NCAPG2: variants seen among roughly 807,000 people sequenced by gnomAD.
NCAPG2 encodes the protein non-SMC condensin II complex subunit G2.
NCAPG2 carries 53 observed loss-of-function variants against 141.1 expected under a neutral mutation model. The observed-to-expected ratio is 0.38, with a 90% CI of 0.30 to 0.47. NCAPG2 has a LOEUF of 0.47. NCAPG2 is among the 20% of genes least tolerant of loss of function. The probability of loss-of-function intolerance (pLI) is 0.99; values close to 1 mark genes in which losing one functional copy is unlikely to be tolerated. For missense variants in NCAPG2, 1,087 were observed against 1,389.0 expected, an observed-to-expected ratio of 0.78 and a Z score of 3.46; for synonymous variants, 499 against 490.7, an observed-to-expected ratio of 1.02 and a Z score of -0.22.
chr7:158,653,230 G>A (rs919098567), intron 22 of NCAPG2, among the ~76,000 whole-genome samples: 12 of 151,652 alleles, frequency 7.9e-5, no homozygotes, highest in African/African-American at 2.7e-4. Flanking sequence ...GCATGGTGGT[G>A]GGCACCTGTA....
At chr7:158,667,249 G>T in intron 13 of NCAPG2, 1 of 984,026 alleles carries the variant, frequency 1.0e-6, no homozygotes. Flanking sequence ...CTTCCTGGTG[G>T]GCCAGAGACC....
chr7:158,677,525 C>CCAA (rs1834141634), intron 11 of NCAPG2, among the ~76,000 whole-genome samples: 1 of 90,404 alleles, frequency 1.1e-5, no homozygotes, highest in Non-Finnish European at 2.1e-5. Context: ...AAAAATAAAG[C>CCAA]AAAAAAAAAA....
chr7:158,680,787 T>C lies in NCAPG2; in HGVS notation c.954A>G (p.Lys318=). ...GCATCTCTTCCACTCCCTGCCGAACTTTCTTTTGATGGTGAAAGTAACTCA... is the reference window on the plus strand; with the variant it reads ...GCATCTCTTCCACTCCCTGCCGAACCTTCTTTTGATGGTGAAAGTAACTCA... ...EVLSYFHHQK[K]VRQGVEEMLY... The change falls in exon 10 of 28, where the codon AAA becomes AAG. Residue 318 remains lysine, a synonymous_variant. Transcript: ENST00000356309. 2 of 1,605,628 alleles carry C rather than the reference T, an allele frequency of 1.2e-6. No homozygotes were observed. Among genetic ancestry groups the C allele is most frequent in the Non-Finnish European group, 1.7e-6 (2 of 1,176,018 alleles).
intron 27 of NCAPG2, among the ~76,000 whole-genome samples, chr7:158,636,137 C>T (rs761261603): frequency 6.6e-5 from 10 of 152,134 alleles, no homozygotes; most frequent in Non-Finnish European, 1.3e-4. Context: ...GGATGGCATG[C>T]AGGTGAATAA....
intron 27 of NCAPG2, among the ~76,000 whole-genome samples, chr7:158,643,184 G>C (rs1830762842): frequency 6.6e-6 from 1 of 150,440 alleles, no homozygotes; most frequent in Non-Finnish European, 1.5e-5. Context: ...GGCTGGTCTT[G>C]AACTCCCGAC....
intron 24 of NCAPG2, among the ~76,000 whole-genome samples, chr7:158,647,653 G>A (rs1401889288): frequency 6.6e-6 from 1 of 151,766 alleles, no homozygotes; most frequent in African/African-American, 2.4e-5. Flanking sequence ...CCCGATTCTT[G>A]GCTATCTTAG....
chr7:158,675,413 T>C (rs1833990558), intron 12 of NCAPG2, 64 bp downstream of exon 12: 3 of 1,379,994 alleles, frequency 2.2e-6, no homozygotes, highest in Non-Finnish European at 1.9e-6. Flanking sequence ...ATCTTTTTCT[T>C]TTCCTGTTTT....
At chr7:158,692,464 T>C (rs1444419384) in intron 4 of NCAPG2, among the ~76,000 whole-genome samples, 4 of 152,206 alleles carry the variant, frequency 2.6e-5, no homozygotes, top group African/African-American at 9.7e-5. Flanking sequence ...AACAACTAGT[T>C]TCCTTTTACA....
intron 27 of NCAPG2, chr7:158,640,106 C>A (rs1830543226): frequency 1.4e-5 from 2 of 145,574 alleles, no homozygotes; most frequent in African/African-American, 5.1e-5. Context: ...TCATATTCAA[C>A]CTACAGAAAA....
In NCAPG2 at chr7:158,696,942, T is replaced by G. The variant is rs950435929; in HGVS notation, c.79-3445A>C. On this transcript the variant is annotated intron_variant, in intron 2 of 27. Transcript: ENST00000356309. ...TGGTCCCATAAGATTATAATGGAGC[T>G]GAAAAATTCCTATCACCTAGTGATG... Among the ~76,000 whole-genome samples the G allele has an allele frequency of 2.0e-5, 3 of 152,372 alleles. No homozygotes were observed. In the South Asian group the frequency reaches 6.2e-4, roughly 32 times the overall value.
At chr7:158,680,182 T>C in intron 10 of NCAPG2, 97 bp from the exon 11 acceptor site, 4 of 1,315,628 alleles carry the variant, frequency 3.0e-6, no homozygotes, top group South Asian at 1.4e-5. Flanking sequence ...ATTATCTTGA[T>C]ACAGATTTAT....
intron 2 of NCAPG2, among the ~76,000 whole-genome samples, chr7:158,699,116 G>C (rs1172939487): frequency 2.0e-5 from 3 of 152,054 alleles, no homozygotes; most frequent in Non-Finnish European, 2.9e-5. Context: ...TATGTGTCTT[G>C]TTTTTCTTCC....
At chr7:158,702,583 T>C (rs1023172284) in intron 1 of NCAPG2, among the ~76,000 whole-genome samples, 3 of 152,222 alleles carry the variant, frequency 2.0e-5, no homozygotes, top group Admixed American at 2.0e-4. Context: ...CTGGTGCTAC[T>C]GGTGCCCTAC....
At chr7:158,684,174 C>G (rs1437175952) in intron 8 of NCAPG2, among the ~76,000 whole-genome samples, 1 of 152,234 alleles carries the variant, frequency 6.6e-6, no homozygotes, top group Non-Finnish European at 1.5e-5. Flanking sequence ...TAATGTGGGA[C>G]AACCACACAT....
rs762921650 is a variant in NCAPG2 at position 158,689,929 on chromosome 7, G to A, written c.562C>T (p.Arg188Cys). 29 of 1,593,276 alleles carry A rather than the reference G, an allele frequency of 1.8e-5. No homozygotes were observed. The South Asian group carries it at 2.3e-4, about 13-fold the overall frequency. Residue 188 changes from arginine (R) to cysteine (C), a missense_variant, in exon 6 of 28, where the codon CGT becomes TGT. By Grantham distance (180) the Arg-to-Cys change is radical. Coordinates refer to ENST00000356309, the MANE Select transcript of NCAPG2 (RefSeq NM_017760.7). ...KTGADVCRLWRIHQALYCFDY... is the reference protein window; with the variant it reads ...KTGADVCRLWCIHQALYCFDY... ...AAGCAATATAAAGCTTGATGGATAC[G>A]CCAAAGCCGACATACGTCTGCACCC...
chr7:158,680,291 G>A (rs1834367111), intron 10 of NCAPG2, among the ~76,000 whole-genome samples: 1 of 152,096 alleles, frequency 6.6e-6, no homozygotes, highest in Admixed American at 6.5e-5. Flanking sequence ...TCACTTCAAA[G>A]CCCACTTCAT....
At position 158,656,248 on chromosome 7, in the gene NCAPG2, GCA is replaced by G. The variant is rs747665754; in HGVS notation, c.2388+10_2388+11del. ...CATAGGAAACCACTCAACTCTCAGG[GCA>G]CAGAGTTACCTTTGACGTTTCAAGG... is the stretch of plus-strand genomic sequence containing the variant. On this transcript the variant is annotated intron_variant, in intron 19 of 27. Coordinates refer to ENST00000356309, the MANE Select transcript of NCAPG2 (RefSeq NM_017760.7). 3 of 1,612,814 alleles carry G rather than the reference GCA, an allele frequency of 1.9e-6. No homozygotes were observed. The highest frequency in any genetic ancestry group is 1.7e-5 in the Admixed American group (1 of 59,888).
chr7:158,693,247 GAAGTT>G (rs2129469191), intron 3 of NCAPG2, 57 bp downstream of exon 3: 1 of 1,504,004 alleles, frequency 6.6e-7, no homozygotes, highest in Admixed American at 2.1e-5. Flanking sequence ...GATACACAGT[GAAGTT>G]ATTTTTTGAC....
At chr7:158,683,638 G>T (rs1000764032) in intron 8 of NCAPG2, among the ~76,000 whole-genome samples, 1 of 105,422 alleles carries the variant, frequency 9.5e-6, no homozygotes, top group African/African-American at 3.0e-5. Context: ...TGTGCCAAAT[G>T]GCAATGTAAG....
Sources: allele counts gnomAD v4.1 joint callset (sites outside exome capture counted in the v4.1 genomes callset), GRCh38; gene constraint gnomAD v4.1.1; transcripts MANE v1.5; gene names NCBI Gene and HGNC (gene_info 2026-07-23, HGNC 2026-07-21).